The following LARP1 variants were observed in gnomAD, a reference collection of about 807,000 sequenced individuals.
LARP1 encodes la-related protein 1.
In LARP1, 36 loss-of-function variants were observed where a neutral mutation model predicts 122.7. The ratio of observed to expected loss-of-function variants is 0.29; its 90% CI spans 0.22 to 0.39. LARP1 has a LOEUF of 0.39. LARP1 is among the 10% of genes least tolerant of loss of function. The pLI, the probability that LARP1 is intolerant of heterozygous loss-of-function variation, is 1.00. For missense variants in LARP1, 1,040 were observed against 1,403.6 expected (o/e 0.74, Z 4.14); for synonymous variants, 539 against 528.7 (o/e 1.02, Z -0.27).
At chr5:154,810,822 TA>T (rs1759208813) in intron 16 of LARP1, among the ~76,000 whole-genome samples, 3 of 152,190 alleles carry the variant, frequency 2.0e-5, no homozygotes. Flanking sequence ...CTGAGTCAGA[TA>T]AATGAACAAA....
At chr5:154,758,108 C>A (rs1019182669) in intron 1 of LARP1, among the ~76,000 whole-genome samples, 1 of 151,908 alleles carries the variant, frequency 6.6e-6, no homozygotes, top group Non-Finnish European at 1.5e-5. Context: ...GGCTACTCAT[C>A]CTGGCTTGGC....
intron 1 of LARP1, among the ~76,000 whole-genome samples, chr5:154,758,435 A>G (rs1020956687): frequency 6.6e-6 from 1 of 152,236 alleles, no homozygotes; most frequent in East Asian, 1.9e-4. Context: ...GCCTAACTCA[A>G]GTTAATCCAG....
In LARP1 at chr5:154,811,184, A is replaced by G. The variant is rs185293209; in HGVS notation, c.2844-63A>G. On this transcript the variant is annotated intron_variant, in intron 16 of 18. Transcript: ENST00000518297. ...CTGTTTCATAGTTCCTCTGTTATGC[A>G]GGCACATTTCCCGTTTTACAGATGA... The G allele has an allele frequency of 7.3e-4, 866 of 1,182,980 alleles. 5 individuals carry two copies. Among genetic ancestry groups the G allele is most frequent in the Admixed American group, 2.0e-3 (116 of 57,654 alleles). 73.3% of individuals were successfully genotyped at this position (1,182,980 alleles called of 1,614,324 possible). A position where few individuals can be genotyped will look rare whatever the true frequency, so the allele number is the denominator to read the frequency against.
chr5:154,787,758 C>A (rs1033868957), intron 1 of LARP1, among the ~76,000 whole-genome samples: 39 of 152,054 alleles, frequency 2.6e-4, no homozygotes, highest in African/African-American at 9.4e-4. Context: ...GGGGATGGAC[C>A]TTTTTCAACA....
At chr5:154,774,991 G>A (rs1755754449) in intron 1 of LARP1, among the ~76,000 whole-genome samples, 1 of 152,282 alleles carries the variant, frequency 6.6e-6, no homozygotes, top group African/African-American at 2.4e-5. Flanking sequence ...CCTTTGAATG[G>A]TCGGTGCTGC....
chr5:154,797,718 G>A (rs1758002518), intron 8 of LARP1, among the ~76,000 whole-genome samples: 1 of 150,236 alleles, frequency 6.7e-6, no homozygotes, highest in Admixed American at 6.6e-5. Context: ...AAAGAGAGAG[G>A]GTCTTGCTCT....
At chr5:154,712,342 G>A (rs2113296169), upstream of LARP1, among the ~76,000 whole-genome samples, 1 of 152,208 alleles carries the variant, frequency 6.6e-6, no homozygotes, top group East Asian at 1.9e-4. Flanking sequence ...GGAAAGTGGT[G>A]TGGTCCAACA....
At chr5:154,787,125 C>T (rs1458635782) in intron 1 of LARP1, among the ~76,000 whole-genome samples, 2 of 152,172 alleles carry the variant, frequency 1.3e-5, no homozygotes, top group Non-Finnish European at 2.9e-5. Flanking sequence ...GTGATCCACC[C>T]ACCTCGGCCT....
Position 154,801,251 on chromosome 5 carries a change from C to A in LARP1, c.1717-756C>A, listed in dbSNP as rs183058242. 3.9e-4 allele frequency among the ~76,000 whole-genome samples: 60 copies of A among 152,342 alleles called. No homozygotes were observed. In the South Asian group the frequency reaches 4.8e-3, roughly 12 times the overall value. On this transcript the variant is annotated intron_variant, in intron 10 of 18. Transcript: ENST00000518297. ...TGCCTTTGGAACAATGGTATTCTTT[C>A]TGCCTAGTCTGTCCCTATCTTCATC...
intron 1 of LARP1, among the ~76,000 whole-genome samples, chr5:154,698,336 C>A (rs941031035): frequency 2.6e-5 from 4 of 152,140 alleles, no homozygotes; most frequent in African/African-American, 9.7e-5. Context: ...GTGGCTCACG[C>A]CTGTAATCCC....
chr5:154,807,708 A>G lies in LARP1; in HGVS notation c.2699-751A>G, dbSNP rs565108866. Among the ~76,000 whole-genome samples the G allele has an allele frequency of 4.6e-5, 7 of 152,166 alleles. No homozygotes were observed. In the South Asian group the frequency reaches 1.5e-3, roughly 32 times the overall value. The stretch of plus-strand genomic sequence containing the variant: ...TGGGACTACAGGCATGCTCCACCAT[A>G]CCAATCTAATTACTAAAAGTTTTCT... On this transcript the variant is annotated intron_variant, in intron 15 of 18. Transcript: ENST00000518297.
At chr5:154,787,627 C>T (rs774559871) in intron 1 of LARP1, among the ~76,000 whole-genome samples, 5 of 152,196 alleles carry the variant, frequency 3.3e-5, no homozygotes, top group Admixed American at 6.5e-5. Context: ...GTGGCTCTTG[C>T]TCCCCATTGG....
At position 154,813,014 on chromosome 5, in the gene LARP1, C is replaced by A. The variant is rs565030025; in HGVS notation, c.3082-873C>A. On this transcript the variant is annotated intron_variant, in intron 18 of 18. Transcript: ENST00000518297. ...AATCATCACATTTATTATTTTAAAA[C>A]TGCCATTTATTAAGTGTTTATTATG... 2.6e-5 allele frequency among the ~76,000 whole-genome samples: 4 copies of A among 152,256 alleles called. No homozygotes were observed. In the South Asian group the frequency reaches 6.2e-4, roughly 24 times the overall value.
At chr5:154,697,279 T>G (rs939957002) in intron 1 of LARP1, among the ~76,000 whole-genome samples, 1 of 151,964 alleles carries the variant, frequency 6.6e-6, no homozygotes, top group Non-Finnish European at 1.5e-5. Flanking sequence ...ATGACCCAGT[T>G]CCTAGCTTGA....
At chr5:154,805,478 C>T (rs1758698889) in intron 14 of LARP1, among the ~76,000 whole-genome samples, 1 of 151,976 alleles carries the variant, frequency 6.6e-6, no homozygotes, top group South Asian at 2.1e-4. Flanking sequence ...TATAAGTGGA[C>T]CCACGCGTGG....
rs1402078069 is a variant in LARP1 at position 154,802,450 on chromosome 5, A to C, written c.2109+51A>C. The C allele has an allele frequency of 6.6e-7, 1 of 1,517,940 alleles. No individual in the cohort carries two copies. The highest frequency in any genetic ancestry group is 8.8e-7 in the Non-Finnish European group (1 of 1,136,030). 94.0% of individuals were successfully genotyped at this position (1,517,940 alleles called of 1,614,324 possible). A position where few individuals can be genotyped will look rare whatever the true frequency, so the allele number is the denominator to read the frequency against. Reference sequence around the variant, plus strand: ...GTGGAGCCTGGTGTGCCTGTATTGTACGGAGAAGAGGAAGCCTGATTAGCT... The same window carrying C: ...GTGGAGCCTGGTGTGCCTGTATTGTCCGGAGAAGAGGAAGCCTGATTAGCT... On this transcript the variant is annotated intron_variant, in intron 11 of 18. Coordinates refer to ENST00000518297, the MANE Select transcript of LARP1 (RefSeq NM_033551.3). The surrounding 1 kb of genome is among the most constrained non-coding windows in gnomAD (Gnocchi z 5.1).
rs909170859 is a variant in LARP1 at position 154,815,281 on chromosome 5, C to T, written c.*1185C>T. 1 of 152,508 alleles carries T rather than the reference C, an allele frequency of 6.6e-6. No homozygotes were observed. Among genetic ancestry groups the T allele is most frequent in the East Asian group, 1.9e-4 (1 of 5,172 alleles). 9.4% of individuals were successfully genotyped at this position (152,508 alleles called of 1,614,324 possible). A position where few individuals can be genotyped will look rare whatever the true frequency, so the allele number is the denominator to read the frequency against. ...CTGCTGCCACTGTTGTGTCCTCGCTCTGCTTGCTGTTGCCTCACGCCAGGC... is the reference window on the plus strand; with the variant it reads ...CTGCTGCCACTGTTGTGTCCTCGCTTTGCTTGCTGTTGCCTCACGCCAGGC... On this transcript the variant is annotated 3_prime_UTR_variant, in exon 19 of 19. Coordinates refer to ENST00000518297, the MANE Select transcript of LARP1 (RefSeq NM_033551.3).
chr5:154,757,018 G>C (rs1303352101), intron 1 of LARP1, among the ~76,000 whole-genome samples: 1 of 148,406 alleles, frequency 6.7e-6, no homozygotes, highest in Non-Finnish European at 1.5e-5. Flanking sequence ...GCGCCGCGCC[G>C]GCGGCCCGCG....
At position 154,755,416 on chromosome 5, in the gene LARP1, C is replaced by G. The variant is rs1753770982; in HGVS notation, c.-342C>G. 6.6e-6 allele frequency among the ~76,000 whole-genome samples: 1 copy of G among 150,840 alleles called. No homozygotes were observed. Among genetic ancestry groups the G allele is most frequent in the Non-Finnish European group, 1.5e-5 (1 of 67,516 alleles). The stretch of plus-strand genomic sequence containing the variant: ...AGCCCCCGAGCCGGGAAGCCCGGGC[C>G]GCCCCGGGGGCGGGGGGGAGGGAGG... On this transcript the variant is annotated 5_prime_UTR_variant, in exon 1 of 19. Transcript: ENST00000518297.
Sources: allele counts gnomAD v4.1 joint callset (sites outside exome capture counted in the v4.1 genomes callset), GRCh38; gene constraint gnomAD v4.1.1; non-coding constraint Gnocchi (gnomAD v3.1); transcripts MANE v1.5; gene names NCBI Gene and HGNC (gene_info 2026-07-23, HGNC 2026-07-21).